MTCL3: variants seen among roughly 807,000 people sequenced by gnomAD.
The protein encoded by MTCL3 is MTCL family member 3.
the MTCL3 span, chr6:127,515,421 A>C: frequency 8.2e-7 from 1 of 1,222,726 alleles, no homozygotes. This position sits in a 1 kb window ranked among gnomAD's most constrained non-coding sequence, Gnocchi z 4.3. Context: ...GCTCCCTAAC[A>C]GGTTAGCAGC....
the MTCL3 span, chr6:127,514,875 T>C: frequency 6.2e-7 from 1 of 1,614,104 alleles, no homozygotes; most frequent in Admixed American, 1.7e-5. Context: ...TTCCCCGGTC[T>C]GGGCGTAGCG....
chr6:127,479,195 C>T, the MTCL3 span, among the ~76,000 whole-genome samples: 1 of 152,042 alleles, frequency 6.6e-6, no homozygotes, highest in East Asian at 1.9e-4. Context: ...CCATTTTAGA[C>T]CATGTAGGGT....
the MTCL3 span, among the ~76,000 whole-genome samples, chr6:127,478,331 G>A: frequency 1.3e-5 from 2 of 152,192 alleles, no homozygotes; most frequent in African/African-American, 4.8e-5. Context: ...ATCTAAAATG[G>A]ATAAAGTTGG....
At chr6:127,477,022 G>A in the MTCL3 span, among the ~76,000 whole-genome samples, 1 of 152,208 alleles carries the variant, frequency 6.6e-6, no homozygotes, top group African/African-American at 2.4e-5. Flanking sequence ...AAGGACAAAG[G>A]TGAAATTTGA....
At chr6:127,492,485 T>C in the MTCL3 span, among the ~76,000 whole-genome samples, 1 of 152,218 alleles carries the variant, frequency 6.6e-6, no homozygotes, top group Non-Finnish European at 1.5e-5. Flanking sequence ...TTTCCTTGTT[T>C]TTATTTCTCC....
At chr6:127,500,122 AC>A in the MTCL3 span, among the ~76,000 whole-genome samples, 2 of 152,058 alleles carry the variant, frequency 1.3e-5, no homozygotes, top group Non-Finnish European at 2.9e-5. Context: ...TTTCATTTGA[AC>A]CATCTTGGGT....
chr6:127,515,742 G>A, the MTCL3 span: 1 of 1,598,850 alleles, frequency 6.3e-7, no homozygotes, highest in Non-Finnish European at 8.5e-7. This position sits in a 1 kb window ranked among gnomAD's most constrained non-coding sequence, Gnocchi z 4.3. Flanking sequence ...CAGACACCGG[G>A]GAGCTGCGGC....
the MTCL3 span, among the ~76,000 whole-genome samples, chr6:127,508,664 GA>G: frequency 6.6e-6 from 1 of 152,198 alleles, no homozygotes; most frequent in Non-Finnish European, 1.5e-5. Flanking sequence ...AGAAAGATCT[GA>G]TAAACAGTTC....
the MTCL3 span, among the ~76,000 whole-genome samples, chr6:127,491,897 A>T: frequency 2.6e-5 from 4 of 151,652 alleles, no homozygotes; most frequent in Admixed American, 1.3e-4. Flanking sequence ...AAAAAAAAAA[A>T]AAAAAGATGG....
the MTCL3 span, chr6:127,515,497 C>G: frequency 2.1e-6 from 3 of 1,417,372 alleles, no homozygotes; most frequent in Middle Eastern, 5.6e-4. This position sits in a 1 kb window ranked among gnomAD's most constrained non-coding sequence, Gnocchi z 4.3. Context: ...CCAGCCGGGT[C>G]CCCCCACCCT....
the MTCL3 span, among the ~76,000 whole-genome samples, chr6:127,485,073 C>A: frequency 2.6e-5 from 4 of 152,190 alleles, no homozygotes; most frequent in African/African-American, 9.6e-5. Flanking sequence ...TTGCAAATGT[C>A]TAAAGTTACT....
chr6:127,496,402 TA>T, the MTCL3 span, among the ~76,000 whole-genome samples: 1,442 of 152,296 alleles, frequency 9.5e-3, 20 homozygotes, highest in African/African-American at 0.033. Context: ...AATTTTTTTT[TA>T]AAAATAACAT....
chr6:127,514,644 G>A, the MTCL3 span, among the ~76,000 whole-genome samples: 1 of 152,300 alleles, frequency 6.6e-6, no homozygotes, highest in African/African-American at 2.4e-5. Context: ...GCACTCTTTA[G>A]AGCCACCTGC....
chr6:127,493,651 A>G, the MTCL3 span, among the ~76,000 whole-genome samples: 1 of 152,190 alleles, frequency 6.6e-6, no homozygotes, highest in African/African-American at 2.4e-5. Flanking sequence ...AAGGCCAGGT[A>G]CCGTTCCTAT....
chr6:127,479,635 G>A, the MTCL3 span, among the ~76,000 whole-genome samples: 1 of 152,166 alleles, frequency 6.6e-6, no homozygotes, highest in East Asian at 1.9e-4. Context: ...AAGCGCTCCT[G>A]CCCAAAGGAA....
the MTCL3 span, chr6:127,475,482 G>C: frequency 6.2e-7 from 1 of 1,613,554 alleles, no homozygotes; most frequent in South Asian, 1.1e-5. This position sits in a 1 kb window ranked among gnomAD's most constrained non-coding sequence, Gnocchi z 7.3. Flanking sequence ...GGTCCCCGTT[G>C]GCCACGTAGA....
chr6:127,494,269 G>T, the MTCL3 span, among the ~76,000 whole-genome samples: 4 of 152,164 alleles, frequency 2.6e-5, no homozygotes, highest in African/African-American at 9.7e-5. Flanking sequence ...ACCAATTTAA[G>T]TGTACAGTGA....
At chr6:127,491,668 G>A in the MTCL3 span, among the ~76,000 whole-genome samples, 1 of 151,912 alleles carries the variant, frequency 6.6e-6, no homozygotes, top group Non-Finnish European at 1.5e-5. Context: ...GAATATGTGA[G>A]TAGACCAGCC....
the MTCL3 span, among the ~76,000 whole-genome samples, chr6:127,505,383 T>C: frequency 6.6e-6 from 1 of 152,210 alleles, no homozygotes; most frequent in African/African-American, 2.4e-5. Context: ...TGAATGGAGC[T>C]GGAGGCCATT....
Sources: gnomAD v4.1 joint callset for allele counts (sites outside exome capture counted in the v4.1 genomes callset) on GRCh38, gnomAD v4.1.1 for gene constraint, Gnocchi (gnomAD v3.1) non-coding constraint, MANE v1.5 for transcripts, NCBI Gene and HGNC (gene_info 2026-07-23, HGNC 2026-07-21) for gene names.